The following REDIC1 variants were observed in gnomAD, a reference collection of about 807,000 sequenced individuals.
REDIC1 encodes the protein regulator of DNA class I crossover intermediates 1.
chr12:39,711,771 G>GCACATGCATGTGTATGTGTA, the REDIC1 span, among the ~76,000 whole-genome samples: 1 of 104,734 alleles, frequency 9.5e-6, no homozygotes, highest in East Asian at 3.4e-4. Context: ...ATGTGTGTGT[G>GCACATGCATGTGTATGTGTA]CACATGCATG....
the REDIC1 span, among the ~76,000 whole-genome samples, chr12:39,649,265 C>T: frequency 7.3e-5 from 11 of 151,686 alleles, no homozygotes; most frequent in South Asian, 8.3e-4. Flanking sequence ...TATTTAATAG[C>T]GTACTTGGAG....
the REDIC1 span, among the ~76,000 whole-genome samples, chr12:39,845,492 C>T: frequency 6.6e-6 from 1 of 152,088 alleles, no homozygotes; most frequent in Non-Finnish European, 1.5e-5. Flanking sequence ...CTTTCCTTCT[C>T]AGTTCTTGCA....
At chr12:39,817,564 TGGCAGCTAA>T in the REDIC1 span, among the ~76,000 whole-genome samples, 14 of 152,322 alleles carry the variant, frequency 9.2e-5, no homozygotes, top group African/African-American at 3.1e-4. Context: ...AGGCAACTGA[TGGCAGCTAA>T]GGGGGTTAGT....
the REDIC1 span, among the ~76,000 whole-genome samples, chr12:39,749,340 G>A: frequency 3.9e-5 from 6 of 152,064 alleles, no homozygotes; most frequent in Non-Finnish European, 8.8e-5. Flanking sequence ...TAAATTCCTC[G>A]ACACATACAC....
the REDIC1 span, chr12:39,907,607 T>C: frequency 6.6e-6 from 1 of 152,144 alleles, no homozygotes; most frequent in Non-Finnish European, 1.5e-5. Flanking sequence ...ATTTTGAGTG[T>C]TAAGATTACA....
chr12:39,860,445 G>T, the REDIC1 span, among the ~76,000 whole-genome samples: 1 of 152,190 alleles, frequency 6.6e-6, no homozygotes, highest in Non-Finnish European at 1.5e-5. Context: ...TGTTGCCCAT[G>T]TCTATGGACT....
chr12:39,821,571 C>T, the REDIC1 span, among the ~76,000 whole-genome samples: 1 of 152,162 alleles, frequency 6.6e-6, no homozygotes, highest in African/African-American at 2.4e-5. Context: ...CACAGGTCTA[C>T]CTCAGGTCAG....
At chr12:39,794,438 A>C in the REDIC1 span, among the ~76,000 whole-genome samples, 2 of 152,228 alleles carry the variant, frequency 1.3e-5, no homozygotes, top group East Asian at 3.8e-4. Context: ...TTCTGCCTAA[A>C]GGTTTCCCCA....
At chr12:39,868,207 G>A in the REDIC1 span, among the ~76,000 whole-genome samples, 1 of 152,114 alleles carries the variant, frequency 6.6e-6, no homozygotes, top group Admixed American at 6.5e-5. Flanking sequence ...GTTTTGGCAT[G>A]TTCTTTATGT....
chr12:39,713,838 C>CTTATATATAT, the REDIC1 span, among the ~76,000 whole-genome samples: 1 of 147,368 alleles, frequency 6.8e-6, no homozygotes, highest in East Asian at 2.0e-4. Context: ...TGTATATACA[C>CTTATATATAT]GTATATATAT....
the REDIC1 span, among the ~76,000 whole-genome samples, chr12:39,804,126 GA>G: frequency 2.6e-5 from 4 of 151,744 alleles, no homozygotes; most frequent in South Asian, 2.1e-4. Flanking sequence ...GAGTGGTGGG[GA>G]AAAAAACACT....
At chr12:39,874,651 G>C in the REDIC1 span, among the ~76,000 whole-genome samples, 1 of 150,076 alleles carries the variant, frequency 6.7e-6, no homozygotes, top group East Asian at 1.9e-4. Context: ...ATACAAATGA[G>C]AAGTATGATG....
the REDIC1 span, among the ~76,000 whole-genome samples, chr12:39,786,998 A>ATT: frequency 6.6e-6 from 1 of 151,748 alleles, no homozygotes; most frequent in Admixed American, 6.6e-5. Context: ...TTTTTTTTAA[A>ATT]AAAATAATAA....
At chr12:39,831,932 C>G in the REDIC1 span, among the ~76,000 whole-genome samples, 3 of 152,094 alleles carry the variant, frequency 2.0e-5, no homozygotes, top group African/African-American at 7.2e-5. Context: ...ATAAATTGCC[C>G]AGTCTCAGGT....
chr12:39,833,248 C>A, the REDIC1 span, among the ~76,000 whole-genome samples: 1 of 152,064 alleles, frequency 6.6e-6, no homozygotes, highest in Non-Finnish European at 1.5e-5. Context: ...AATGATATGG[C>A]CTGCAAAGCT....
chr12:39,896,337 T>C, the REDIC1 span, among the ~76,000 whole-genome samples: 2 of 142,094 alleles, frequency 1.4e-5, no homozygotes, highest in Non-Finnish European at 3.1e-5. Context: ...TGTATATATG[T>C]ATACATATAT....
the REDIC1 span, chr12:39,684,433 T>C: frequency 3.8e-6 from 1 of 260,488 alleles, no homozygotes; most frequent in South Asian, 1.5e-4. Flanking sequence ...TTAAAAATAT[T>C]GATTGATAAA....
chr12:39,711,597 G>GCA, the REDIC1 span, among the ~76,000 whole-genome samples: 1 of 122,998 alleles, frequency 8.1e-6, no homozygotes, highest in Non-Finnish European at 1.8e-5. Flanking sequence ...GTGTATATGT[G>GCA]TATACACATG....
chr12:39,763,585 A>G, the REDIC1 span, among the ~76,000 whole-genome samples: 10 of 152,042 alleles, frequency 6.6e-5, no homozygotes. Flanking sequence ...CTGTTCTTGC[A>G]AAGAGAAATG....
Sources: gnomAD v4.1 joint callset for allele counts (sites outside exome capture counted in the v4.1 genomes callset) on GRCh38, gnomAD v4.1.1 for gene constraint, MANE v1.5 for transcripts, NCBI Gene and HGNC (gene_info 2026-07-23, HGNC 2026-07-21) for gene names.